The following FGF14 variants were observed in gnomAD, a reference collection of about 807,000 sequenced individuals.
The protein encoded by FGF14 is fibroblast growth factor homologous factor 4.
A neutral mutation model predicts 25.5 loss-of-function variants in FGF14; 5 were observed. The ratio of observed to expected loss-of-function variants is 0.20; its 90% CI spans 0.10 to 0.41. The LOEUF (loss-of-function observed/expected upper bound fraction) is 0.41, where lower values mean the gene tolerates loss of function less well. Ranked by LOEUF, FGF14 falls within the 10% of genes least tolerant of loss-of-function variation. FGF14 has a pLI of 1.00. For missense variants in FGF14, 222 were observed against 320.1 expected (o/e 0.69, Z 2.34); for synonymous variants, 138 against 118.3 (o/e 1.17, Z -1.08).
chr13:102,366,380 T>C (rs1349053439), intron 1 of FGF14: 1 of 152,180 alleles, frequency 6.6e-6, no homozygotes, highest in Non-Finnish European at 1.5e-5. Context: ...AATTATAATA[T>C]TCCTTAAAAC....
intron 1 of FGF14, among the ~76,000 whole-genome samples, chr13:101,969,104 C>A (rs985230385): frequency 1.3e-5 from 2 of 152,146 alleles, no homozygotes; most frequent in East Asian, 3.9e-4. Context: ...GGGCTCCATG[C>A]CTTGGAGTCA....
intron 1 of FGF14, among the ~76,000 whole-genome samples, chr13:102,325,929 C>T (rs893741902): frequency 6.6e-6 from 1 of 152,092 alleles, no homozygotes; most frequent in Non-Finnish European, 1.5e-5. Flanking sequence ...ATCCTAAATA[C>T]CTATAATTTT....
At chr13:102,340,401 T>A (rs9518704) in intron 1 of FGF14, among the ~76,000 whole-genome samples, 114,921 of 152,038 alleles carry the variant, frequency 0.76, 44,505 homozygotes, top group African/African-American at 0.93. Flanking sequence ...GATTGCTAGC[T>A]ATTCTTTGCC....
intron 1 of FGF14, among the ~76,000 whole-genome samples, chr13:102,159,462 T>A (rs994693760): frequency 6.6e-6 from 1 of 152,172 alleles, no homozygotes; most frequent in Non-Finnish European, 1.5e-5. Context: ...GTAGCTTACA[T>A]AGTTCCCAAA....
In FGF14 at chr13:102,075,766, C is replaced by T. The variant is rs114280053; in HGVS notation, c.209-200470G>A. 3.4e-3 allele frequency among the ~76,000 whole-genome samples: 523 copies of T among 152,262 alleles called. 2 individuals are homozygous for T. Among genetic ancestry groups the T allele is most frequent in the African/African-American group, 0.012 (500 of 41,552 alleles). On this transcript the variant is annotated intron_variant, in intron 1 of 4. Transcript: ENST00000376131. ...GATGACAGTTCCATGCGTGTGATTG[C>T]TCCCGAAAACTTTCCAGTGGGACAA...
At chr13:102,224,578 A>T (rs1037649447) in intron 1 of FGF14, among the ~76,000 whole-genome samples, 6 of 152,196 alleles carry the variant, frequency 3.9e-5, no homozygotes, top group African/African-American at 1.4e-4. Flanking sequence ...GACAAAAAAA[A>T]TAATTTTAAA....
chr13:102,393,815 G>A (rs2058494303), intron 1 of FGF14: 1 of 152,224 alleles, frequency 6.6e-6, no homozygotes, highest in Non-Finnish European at 1.5e-5. Flanking sequence ...TCCTCCACTG[G>A]GAAGGAGTTG....
chr13:101,861,394 G>A (rs2044408479), intron 3 of FGF14, among the ~76,000 whole-genome samples: 1 of 152,062 alleles, frequency 6.6e-6, no homozygotes, highest in East Asian at 1.9e-4. Flanking sequence ...AAGCATCACA[G>A]CTTACCTAGT....
At chr13:102,190,911 T>C (rs532577291) in intron 1 of FGF14, among the ~76,000 whole-genome samples, 11 of 152,292 alleles carry the variant, frequency 7.2e-5, no homozygotes, top group African/African-American at 2.4e-4. Flanking sequence ...CCATCCTCTC[T>C]TCTCAGCTCC....
At chr13:101,812,656 T>A (rs1232581016) in intron 3 of FGF14, among the ~76,000 whole-genome samples, 1 of 70,818 alleles carries the variant, frequency 1.4e-5, no homozygotes, top group Non-Finnish European at 2.7e-5. Flanking sequence ...TATATATATT[T>A]TTTTTTTTTT....
chr13:102,083,748 G>A (rs117533935), intron 1 of FGF14, among the ~76,000 whole-genome samples: 1,560 of 152,262 alleles, frequency 0.01, 20 homozygotes, highest in Non-Finnish European at 0.017. Context: ...CAACTGCCGC[G>A]GGCACACTTT....
chr13:102,373,628 T>C (rs1392968165), intron 1 of FGF14: 1 of 152,188 alleles, frequency 6.6e-6, no homozygotes, highest in Non-Finnish European at 1.5e-5. Context: ...TCTTCAGTGT[T>C]GTTTATCAAC....
chr13:102,152,940 A>G lies in FGF14; in HGVS notation c.208+248531T>C, dbSNP rs541793034. 1.7e-4 allele frequency among the ~76,000 whole-genome samples: 26 copies of G among 152,174 alleles called. No individual in the cohort carries two copies. In the South Asian group the frequency reaches 5.0e-3, roughly 29 times the overall value. On this transcript the variant is annotated intron_variant, in intron 1 of 4. Coordinates refer to the FGF14 transcript ENST00000376131. Reference sequence around the variant, plus strand: ...TTGGGAAACCACTTTTTGACTTTCTATGTGACTTCATTCTCCCTCCTACAC... The same window carrying G: ...TTGGGAAACCACTTTTTGACTTTCTGTGTGACTTCATTCTCCCTCCTACAC...
intron 1 of FGF14, among the ~76,000 whole-genome samples, chr13:102,325,869 G>A (rs771694962): frequency 6.6e-6 from 1 of 152,132 alleles, no homozygotes; most frequent in African/African-American, 2.4e-5. Flanking sequence ...GTACTCTGGT[G>A]AATATAAACT....
At chr13:102,341,839 T>C (rs1480196686) in intron 1 of FGF14, among the ~76,000 whole-genome samples, 2 of 152,140 alleles carry the variant, frequency 1.3e-5, no homozygotes, top group South Asian at 2.1e-4. Flanking sequence ...TGAGTGAATA[T>C]ATTTAGAAAG....
chr13:102,119,608 T>C (rs2045626020), intron 1 of FGF14, among the ~76,000 whole-genome samples: 1 of 152,178 alleles, frequency 6.6e-6, no homozygotes. Flanking sequence ...TCAAATGGTT[T>C]AGATGGAAAT....
intron 1 of FGF14, among the ~76,000 whole-genome samples, chr13:102,339,700 G>T (rs572070236): frequency 1.4e-4 from 21 of 152,192 alleles, no homozygotes; most frequent in African/African-American, 4.3e-4. Context: ...CCAAAAGGAG[G>T]ATAGAAAAAG....
chr13:101,879,155 G>C lies in FGF14; in HGVS notation c.194-3859C>G, dbSNP rs567927094. Reference sequence around the variant, plus strand: ...TGTTCAGAATACCTACTCTGCTTAAGAAAATATAAAAACTTAGAATCTCTT... The same window carrying C: ...TGTTCAGAATACCTACTCTGCTTAACAAAATATAAAAACTTAGAATCTCTT... On this transcript the variant is annotated intron_variant, in intron 1 of 4. Coordinates refer to ENST00000376143, the MANE Select transcript of FGF14 (RefSeq NM_004115.4). Among the ~76,000 whole-genome samples, 8 of 152,198 alleles carry C rather than the reference G, an allele frequency of 5.3e-5. No homozygotes were observed. The South Asian group carries it at 1.7e-3, about 32-fold the overall frequency.
intron 3 of FGF14, among the ~76,000 whole-genome samples, chr13:101,828,184 T>C (rs2042489712): frequency 6.6e-6 from 1 of 152,114 alleles, no homozygotes; most frequent in Non-Finnish European, 1.5e-5. Flanking sequence ...ATAGATGATT[T>C]GCAGTTCTTG....
Sources: gnomAD v4.1 joint callset for allele counts (sites outside exome capture counted in the v4.1 genomes callset) on GRCh38, gnomAD v4.1.1 for gene constraint, MANE v1.5 for transcripts, NCBI Gene and HGNC (gene_info 2026-07-23, HGNC 2026-07-21) for gene names.